The following PLCL2 variants were observed in gnomAD, a reference collection of about 807,000 sequenced individuals.
The protein encoded by PLCL2 is inactive phospholipase C-like protein 2.
Under a neutral mutation model 79.6 loss-of-function variants are expected in PLCL2, and 4 were observed. The ratio of observed to expected loss-of-function variants is 0.05; its 90% CI spans 0.02 to 0.11. The LOEUF is 0.11. PLCL2 is among the 10% of genes least tolerant of loss of function. The pLI is 1.00. For synonymous variants in PLCL2, 484 were observed against 457.7 expected, an observed-to-expected ratio of 1.06 and a Z score of -0.73; for missense variants, 895 against 1,291.0, an observed-to-expected ratio of 0.69 and a Z score of 4.70.
intron 3 of PLCL2, among the ~76,000 whole-genome samples, chr3:17,026,041 T>C (rs992623642): frequency 7.2e-5 from 11 of 152,146 alleles, no homozygotes; most frequent in African/African-American, 2.7e-4. Flanking sequence ...TGTTTTTCAT[T>C]CTCTTCACTT....
intron 1 of PLCL2, among the ~76,000 whole-genome samples, chr3:16,951,495 T>C (rs2063651510): frequency 1.3e-5 from 2 of 152,162 alleles, no homozygotes; most frequent in Non-Finnish European, 2.9e-5. Context: ...TCTACTATTT[T>C]CTGTTTCTTG....
chr3:17,005,148 A>G (rs946380349), intron 1 of PLCL2, among the ~76,000 whole-genome samples: 2 of 152,152 alleles, frequency 1.3e-5, no homozygotes, highest in African/African-American at 4.8e-5. Context: ...GGCTTGAAAG[A>G]CAGGAGTCTT....
At chr3:16,928,006 A>T (rs993674727) in intron 1 of PLCL2, among the ~76,000 whole-genome samples, 7 of 152,328 alleles carry the variant, frequency 4.6e-5, no homozygotes, top group Non-Finnish European at 8.8e-5. Flanking sequence ...ACATACTCCC[A>T]TTCCTGTGCT....
chr3:17,069,556 T>G (rs1223789414), intron 5 of PLCL2, among the ~76,000 whole-genome samples: 3 of 152,140 alleles, frequency 2.0e-5, no homozygotes, highest in Non-Finnish European at 4.4e-5. Context: ...GCTTCTTTAG[T>G]TCAGCATGTC....
At chr3:17,019,063 C>T (rs1043788653) in intron 3 of PLCL2, among the ~76,000 whole-genome samples, 6 of 152,040 alleles carry the variant, frequency 3.9e-5, no homozygotes, top group African/African-American at 1.4e-4. Flanking sequence ...TTATTTGAAT[C>T]TTCAAAGGAG....
At chr3:16,942,242 CTT>C (rs1329735190) in intron 1 of PLCL2, among the ~76,000 whole-genome samples, 1 of 152,176 alleles carries the variant, frequency 6.6e-6, no homozygotes, top group Non-Finnish European at 1.5e-5. Context: ...GCCTTGTTCT[CTT>C]TTGTCAAATG....
At chr3:16,952,820 G>A (rs1400502247) in intron 1 of PLCL2, among the ~76,000 whole-genome samples, 4 of 151,880 alleles carry the variant, frequency 2.6e-5, no homozygotes, top group East Asian at 1.9e-4. Flanking sequence ...CATCTTTTGC[G>A]AAATAATTTC....
chr3:17,020,467 C>T (rs1388674263), intron 3 of PLCL2, among the ~76,000 whole-genome samples: 1 of 152,144 alleles, frequency 6.6e-6, no homozygotes, highest in African/African-American at 2.4e-5. Flanking sequence ...GGCAGCCCCA[C>T]CTGTTCAGAG....
At chr3:17,024,357 A>G (rs1432972719) in intron 3 of PLCL2, among the ~76,000 whole-genome samples, 1 of 152,202 alleles carries the variant, frequency 6.6e-6, no homozygotes, top group Non-Finnish European at 1.5e-5. Context: ...CATACACTTC[A>G]TGTCTATTTT....
intron 1 of PLCL2, among the ~76,000 whole-genome samples, chr3:16,928,399 A>G (rs1037740246): frequency 6.6e-6 from 1 of 152,198 alleles, no homozygotes; most frequent in African/African-American, 2.4e-5. Flanking sequence ...TGTGTATAAT[A>G]ATTGAGGCAA....
At chr3:16,999,679 A>G (rs1318404351) in intron 1 of PLCL2, among the ~76,000 whole-genome samples, 1 of 152,214 alleles carries the variant, frequency 6.6e-6, no homozygotes, top group African/African-American at 2.4e-5. Flanking sequence ...GGTGATTCCT[A>G]AACTAGAAAG....
intron 5 of PLCL2, among the ~76,000 whole-genome samples, chr3:17,073,948 A>G (rs932807784): frequency 1.3e-5 from 2 of 152,156 alleles, no homozygotes; most frequent in Admixed American, 6.5e-5. Context: ...GAGGGCTGGG[A>G]TCAACTTCCT....
intron 4 of PLCL2, among the ~76,000 whole-genome samples, chr3:17,043,423 C>T (rs1575601496): frequency 6.6e-6 from 1 of 152,100 alleles, no homozygotes; most frequent in South Asian, 2.1e-4. Flanking sequence ...CTGATAAATT[C>T]ATTAATTTAA....
intron 4 of PLCL2, among the ~76,000 whole-genome samples, chr3:17,052,856 T>A (rs1292461244): frequency 1.3e-5 from 2 of 152,216 alleles, no homozygotes; most frequent in African/African-American, 4.8e-5. Context: ...TACCTTATTG[T>A]AAGAATATAG....
chr3:17,050,712 C>T (rs1428217713), intron 4 of PLCL2, among the ~76,000 whole-genome samples: 1 of 152,086 alleles, frequency 6.6e-6, no homozygotes, highest in Non-Finnish European at 1.5e-5. Context: ...TAAATTAGTA[C>T]AACCATTATG....
chr3:17,038,269 A>G (rs1284453170), intron 3 of PLCL2, among the ~76,000 whole-genome samples: 2 of 152,196 alleles, frequency 1.3e-5, no homozygotes, highest in South Asian at 2.1e-4. Flanking sequence ...AGCAACAACT[A>G]TATAAAATCA....
intron 3 of PLCL2, 44 bp downstream of exon 3, chr3:17,014,955 T>G (rs752260240): frequency 5.4e-6 from 8 of 1,481,362 alleles, no homozygotes; most frequent in East Asian, 4.5e-5. Flanking sequence ...GTGAGAGAGA[T>G]ATCCTAAGAC....
At chr3:16,895,566 A>G (rs1288824185) in intron 1 of PLCL2, among the ~76,000 whole-genome samples, 1 of 152,212 alleles carries the variant, frequency 6.6e-6, no homozygotes, top group Non-Finnish European at 1.5e-5. Context: ...TTACATACAC[A>G]TAAAGTCCTT....
chr3:16,980,819 A>G (rs1229828167), intron 1 of PLCL2, among the ~76,000 whole-genome samples: 2 of 152,148 alleles, frequency 1.3e-5, no homozygotes, highest in Admixed American at 6.5e-5. Context: ...AGCCAAGATC[A>G]CGCCACTGCA....
Sources: gnomAD v4.1 joint callset for allele counts (sites outside exome capture counted in the v4.1 genomes callset) on GRCh38, gnomAD v4.1.1 for gene constraint, MANE v1.5 for transcripts, NCBI Gene and HGNC (gene_info 2026-07-23, HGNC 2026-07-21) for gene names.